Variants in PLCB1 observed in about 807,000 individuals in gnomAD.
PLCB1 encodes the protein 1-phosphatidylinositol 4,5-bisphosphate phosphodiesterase beta-1.
PLCB1 carries 46 observed loss-of-function variants against 161.8 expected under a neutral mutation model. The observed-to-expected ratio is 0.28, with a 90% CI of 0.22 to 0.36. PLCB1 has a LOEUF of 0.36. PLCB1 is among the 10% of genes least tolerant of loss of function. The probability of loss-of-function intolerance (pLI) is 1.00; values close to 1 mark genes in which losing one functional copy is unlikely to be tolerated. For synonymous variants in PLCB1, 517 were observed against 503.7 expected, an observed-to-expected ratio of 1.03 and a Z score of -0.35; for missense variants, 1,016 against 1,472.5, an observed-to-expected ratio of 0.69 and a Z score of 5.07.
intron 3 of PLCB1, among the ~76,000 whole-genome samples, chr20:8,516,709 A>G (rs1191435610): frequency 4.2e-5 from 3 of 70,972 alleles, no homozygotes; most frequent in East Asian, 3.4e-4. Context: ...ATATATATAT[A>G]TGTATTCCAT....
intron 3 of PLCB1, among the ~76,000 whole-genome samples, chr20:8,407,729 G>C (rs904807848): frequency 1.3e-5 from 2 of 152,040 alleles, no homozygotes; most frequent in African/African-American, 2.4e-5. Flanking sequence ...CACTCCCTCA[G>C]CCGGTGATCA....
At chr20:8,876,206 C>T (rs1276738394) in intron 31 of PLCB1, among the ~76,000 whole-genome samples, 1 of 152,152 alleles carries the variant, frequency 6.6e-6, no homozygotes, top group Non-Finnish European at 1.5e-5. Context: ...TCTGACAACA[C>T]TCTTCTTTAT....
chr20:8,770,161 C>T (rs1982597448), intron 26 of PLCB1, among the ~76,000 whole-genome samples: 2 of 151,960 alleles, frequency 1.3e-5, no homozygotes. Context: ...ACTGTGTTAG[C>T]CAGGATGGCC....
chr20:8,828,197 A>C lies in PLCB1; in HGVS notation c.3423+37936A>C, dbSNP rs187781417. Among the ~76,000 whole-genome samples the C allele has an allele frequency of 1.2e-3, 180 of 152,304 alleles. 1 individual carries two copies. Among genetic ancestry groups the C allele is most frequent in the African/African-American group, 3.0e-3 (126 of 41,578 alleles). ...TGAAAGCTCTGGAAACGTTGGCAAT[A>C]GCCTTTAACATGTATCCAAAGGCTC... On this transcript the variant is annotated intron_variant, in intron 31 of 31. Coordinates refer to ENST00000338037, the MANE Select transcript of PLCB1 (RefSeq NM_015192.4).
At chr20:8,718,259 G>T (rs924166448) in intron 14 of PLCB1, among the ~76,000 whole-genome samples, 4 of 152,104 alleles carry the variant, frequency 2.6e-5, no homozygotes, top group African/African-American at 9.7e-5. Flanking sequence ...AGCTTAGAAG[G>T]ACTTTGAACA....
chr20:8,658,788 T>TC, intron 9 of PLCB1, 84 bp downstream of exon 9: 1 of 1,154,898 alleles, frequency 8.7e-7, no homozygotes, highest in Non-Finnish European at 1.2e-6. Flanking sequence ...ACACCAGTGA[T>TC]CGTTAGGTTA....
At chr20:8,509,286 C>G (rs1368552187) in intron 3 of PLCB1, among the ~76,000 whole-genome samples, 2 of 152,162 alleles carry the variant, frequency 1.3e-5, no homozygotes, top group African/African-American at 4.8e-5. Flanking sequence ...TAGTTCCGTG[C>G]TTCAACATGT....
chr20:8,727,645 T>C (rs1447055111), intron 17 of PLCB1, among the ~76,000 whole-genome samples: 1 of 152,108 alleles, frequency 6.6e-6, no homozygotes, highest in Admixed American at 6.6e-5. Flanking sequence ...TCTGTGTCTT[T>C]AGGCAATTTG....
intron 3 of PLCB1, among the ~76,000 whole-genome samples, chr20:8,523,063 A>G (rs1001720553): frequency 1.3e-5 from 2 of 152,116 alleles, no homozygotes; most frequent in African/African-American, 4.8e-5. Flanking sequence ...TGAGGATGAG[A>G]TTGCTGTAGA....
intron 17 of PLCB1, among the ~76,000 whole-genome samples, chr20:8,727,617 G>A (rs1431146083): frequency 6.6e-6 from 1 of 152,048 alleles, no homozygotes; most frequent in Non-Finnish European, 1.5e-5. Context: ...TTTCAAGGTT[G>A]CCTTCACACC....
chr20:8,862,479 T>G (rs1987289932), intron 31 of PLCB1, among the ~76,000 whole-genome samples: 1 of 152,176 alleles, frequency 6.6e-6, no homozygotes, highest in Non-Finnish European at 1.5e-5. Context: ...AGTGATCACA[T>G]ATAATGTAAC....
At chr20:8,182,320 A>G (rs901033375) in intron 2 of PLCB1, among the ~76,000 whole-genome samples, 1 of 152,140 alleles carries the variant, frequency 6.6e-6, no homozygotes, top group Non-Finnish European at 1.5e-5. Context: ...CTCACCCTTT[A>G]AAACTAGGCT....
chr20:8,161,954 T>C (rs2051629550), intron 2 of PLCB1, among the ~76,000 whole-genome samples: 1 of 152,164 alleles, frequency 6.6e-6, no homozygotes, highest in Non-Finnish European at 1.5e-5. Context: ...GAAGTAACAC[T>C]CCACATGAGC....
At chr20:8,197,528 T>C (rs2052038567) in intron 2 of PLCB1, among the ~76,000 whole-genome samples, 3 of 152,204 alleles carry the variant, frequency 2.0e-5, no homozygotes, top group Admixed American at 6.5e-5. Context: ...CTTGTAAATT[T>C]GTTTGAGTTC....
intron 10 of PLCB1, among the ~76,000 whole-genome samples, chr20:8,688,268 T>C (rs1210633847): frequency 6.6e-6 from 1 of 152,240 alleles, no homozygotes; most frequent in East Asian, 1.9e-4. Flanking sequence ...TGTGAATATT[T>C]TCTCCCACTC....
chr20:8,773,914 C>T (rs1982815129), intron 26 of PLCB1, among the ~76,000 whole-genome samples: 1 of 149,332 alleles, frequency 6.7e-6, no homozygotes, highest in South Asian at 2.1e-4. Context: ...GTGGAGGTTG[C>T]AGTGAGCTGA....
chr20:8,697,863 T>A (rs549241727), intron 11 of PLCB1, 80 bp downstream of exon 11: 2 of 1,280,136 alleles, frequency 1.6e-6, no homozygotes, highest in East Asian at 4.7e-5. Context: ...AGGTAGAAAG[T>A]CCCAGTGGTC....
At chr20:8,677,251 G>C (rs1436044314) in intron 9 of PLCB1, among the ~76,000 whole-genome samples, 1 of 151,920 alleles carries the variant, frequency 6.6e-6, no homozygotes, top group Non-Finnish European at 1.5e-5. Flanking sequence ...AAATTAGCCG[G>C]GTGGGGTATG....
chr20:8,411,636 T>C (rs1355663872), intron 3 of PLCB1, among the ~76,000 whole-genome samples: 1 of 152,212 alleles, frequency 6.6e-6, no homozygotes, highest in Non-Finnish European at 1.5e-5. Context: ...GTGTAAACTA[T>C]TGGGGTCTAT....
Sources: gnomAD v4.1 joint callset for allele counts (sites outside exome capture counted in the v4.1 genomes callset) on GRCh38, gnomAD v4.1.1 for gene constraint, MANE v1.5 for transcripts, NCBI Gene and HGNC (gene_info 2026-07-23, HGNC 2026-07-21) for gene names.